The following TANC2 variants were observed in gnomAD, a reference collection of about 807,000 sequenced individuals.
TANC2 encodes tetratricopeptide repeat, ankyrin repeat and coiled-coil containing 2.
A neutral mutation model predicts 210.5 loss-of-function variants in TANC2; 26 were observed. The observed-to-expected ratio is 0.12, with a 90% CI of 0.09 to 0.17. The LOEUF (loss-of-function observed/expected upper bound fraction) is 0.17. Ranked by LOEUF, TANC2 falls within the 10% of genes least tolerant of loss-of-function variation. The probability of loss-of-function intolerance (pLI) is 1.00; values close to 1 mark genes in which losing one functional copy is unlikely to be tolerated. For missense variants in TANC2, 2,129 were observed against 2,608.9 expected, an observed-to-expected ratio of 0.82 and a Z score of 4.01; for synonymous variants, 931 against 967.1, an observed-to-expected ratio of 0.96 and a Z score of 0.69.
chr17:63,379,881 C>T, intron 15 of TANC2, 55 bp downstream of exon 15: 1 of 1,434,988 alleles, frequency 7.0e-7, no homozygotes, highest in Non-Finnish European at 9.7e-7. Context: ...CTTTCATATG[C>T]TTTATGTAAG....
At chr17:62,995,744 G>T (rs1189223468) in intron 1 of TANC2, among the ~76,000 whole-genome samples, 2 of 152,180 alleles carry the variant, frequency 1.3e-5, no homozygotes, top group Non-Finnish European at 2.9e-5. Context: ...TCTTGAAAGA[G>T]ATTGCATAAT....
Position 63,300,115 on chromosome 17 carries a change from G to A in TANC2, c.1160-14273G>A, listed in dbSNP as rs186449476. On this transcript the variant is annotated intron_variant, in intron 9 of 27. Transcript: ENST00000689528. Reference sequence around the variant, plus strand: ...TGTAGATGTGTGGTGGTATTTCTGAGGTCTCTGTTCTGTTCCATTGGTCTG... The same window carrying A: ...TGTAGATGTGTGGTGGTATTTCTGAAGTCTCTGTTCTGTTCCATTGGTCTG... Among the ~76,000 whole-genome samples, 132 of 152,218 alleles carry A rather than the reference G, an allele frequency of 8.7e-4. 1 individual carries two copies. The highest frequency in any genetic ancestry group is 1.4e-3 in the Non-Finnish European group (93 of 68,018).
At chr17:63,226,059 T>C (rs2042320813) in intron 7 of TANC2, among the ~76,000 whole-genome samples, 2 of 152,182 alleles carry the variant, frequency 1.3e-5, no homozygotes, top group Admixed American at 1.3e-4. Flanking sequence ...CTAGATCTTA[T>C]CACTTAATGT....
intron 5 of TANC2, chr17:63,154,144 T>C (rs2039755285): frequency 6.6e-6 from 1 of 152,158 alleles, no homozygotes; most frequent in South Asian, 2.1e-4. Context: ...ACTGTGGAGA[T>C]AATCGATGGT....
chr17:63,386,681 TTAAATAA>T (rs2047789567), intron 15 of TANC2, among the ~76,000 whole-genome samples: 1 of 151,878 alleles, frequency 6.6e-6, no homozygotes. Flanking sequence ...AGAAAATGTG[TTAAATAA>T]TAAACACTAA....
rs543368258 is a variant in TANC2, at chr17:63,181,273, T to C, written c.434-12718T>C. 7.2e-5 allele frequency among the ~76,000 whole-genome samples: 11 copies of C among 152,264 alleles called. 1 individual carries two copies. In the East Asian group the frequency reaches 1.7e-3, roughly 24 times the overall value. On this transcript the variant is annotated intron_variant, in intron 5 of 27. Coordinates refer to ENST00000689528, the Ensembl canonical transcript of TANC2. ...AACCTGAATTTACCCAGGGTTGATG[T>C]TGGAAGGGCTTCTGTCCTCTTGCTG...
chr17:62,981,211 A>T lies in TANC2; in HGVS notation c.-24+14462A>T, dbSNP rs568895897. Among the ~76,000 whole-genome samples, 393 of 152,110 alleles carry T rather than the reference A, an allele frequency of 2.6e-3. 1 individual carries two copies. Among genetic ancestry groups the T allele is most frequent in the Admixed American group, 8.5e-3 (130 of 15,272 alleles). Reference sequence around the variant, plus strand: ...TTCACATTGTCAGTATTTCCATTCCATCTTCTCTCTCAGCTGATGACCTTG... The same window carrying T: ...TTCACATTGTCAGTATTTCCATTCCTTCTTCTCTCTCAGCTGATGACCTTG... On this transcript the variant is annotated intron_variant, in intron 1 of 27. Coordinates refer to ENST00000689528, the Ensembl canonical transcript of TANC2.
chr17:63,247,524 T>G (rs1732240618), intron 8 of TANC2, among the ~76,000 whole-genome samples: 2 of 152,040 alleles, frequency 1.3e-5, no homozygotes, highest in Non-Finnish European at 1.5e-5. Context: ...CATCCTAAAT[T>G]GTTACATCTG....
intron 5 of TANC2, among the ~76,000 whole-genome samples, chr17:63,188,897 C>T (rs1272320413): frequency 1.3e-5 from 2 of 150,530 alleles, no homozygotes; most frequent in Non-Finnish European, 2.9e-5. Context: ...TTTTATCACC[C>T]CCCCCCAAAA....
intron 9 of TANC2, among the ~76,000 whole-genome samples, chr17:63,279,203 T>C (rs2043986647): frequency 6.6e-6 from 1 of 152,004 alleles, no homozygotes; most frequent in African/African-American, 2.4e-5. Flanking sequence ...CTGAAAGTGA[T>C]TGAGAAATGT....
chr17:63,370,171 T>C (rs2047222497), intron 14 of TANC2, among the ~76,000 whole-genome samples: 1 of 147,318 alleles, frequency 6.8e-6, no homozygotes, highest in African/African-American at 2.7e-5. Context: ...AGTCCTCCTT[T>C]CTTTTTTTTT....
At chr17:62,986,621 T>A (rs930611137) in intron 1 of TANC2, among the ~76,000 whole-genome samples, 7 of 151,656 alleles carry the variant, frequency 4.6e-5, no homozygotes, top group Non-Finnish European at 7.4e-5. Flanking sequence ...TTCTTAGACC[T>A]GAAACACAGG....
intron 1 of TANC2, among the ~76,000 whole-genome samples, chr17:62,992,767 T>C (rs1437681536): frequency 1.3e-5 from 2 of 152,242 alleles, no homozygotes; most frequent in Non-Finnish European, 2.9e-5. Flanking sequence ...AACTATGTTA[T>C]ACATGTTGGC....
Position 63,402,034 on chromosome 17 carries a change from C to A in TANC2, c.3332-3088C>A, listed in dbSNP as rs146527636. Among the ~76,000 whole-genome samples the A allele has an allele frequency of 2.0e-5, 3 of 152,338 alleles. No individual in the cohort carries two copies. In the East Asian group the frequency reaches 5.8e-4, roughly 29 times the overall value. ...ATAGTCTGTTTGTGTCACTTTCCTG[C>A]TTTCTGACCTTCATTTACTACTTGT... On this transcript the variant is annotated intron_variant, in intron 19 of 27. Transcript: ENST00000689528.
chr17:63,147,193 AT>A (rs151092975), intron 4 of TANC2, among the ~76,000 whole-genome samples: 11,376 of 151,806 alleles, frequency 0.075, 1,343 homozygotes, highest in African/African-American at 0.25. Context: ...AATAACGAAA[AT>A]TACCCAAGCG....
In TANC2 at chr17:63,201,057, G is replaced by C. The variant is rs1291372525; in HGVS notation, c.769+100G>C. On this transcript the variant is annotated intron_variant, in intron 7 of 27. Coordinates refer to ENST00000689528, the Ensembl canonical transcript of TANC2. Reference sequence around the variant, plus strand: ...TTAAAAATTCTGCTTTTGAATTGTTGAGATGTATATATAAAACTTTCCTGG... The same window carrying C: ...TTAAAAATTCTGCTTTTGAATTGTTCAGATGTATATATAAAACTTTCCTGG... 2.8e-6 allele frequency: 3 copies of C among 1,073,474 alleles called. No homozygotes were observed. The African/African-American group carries it at 4.8e-5, about 17-fold the overall frequency. 66.5% of individuals were successfully genotyped at this position (1,073,474 alleles called of 1,614,324 possible). A position where few individuals can be genotyped will look rare whatever the true frequency, so the allele number is the denominator to read the frequency against.
intron 5 of TANC2, among the ~76,000 whole-genome samples, chr17:63,162,290 A>G (rs2040054616): frequency 6.7e-6 from 1 of 148,668 alleles, no homozygotes; most frequent in African/African-American, 2.5e-5. Context: ...GGTGAAGAAC[A>G]AGACCCTGTC....
chr17:63,169,963 C>CA (rs1331485292), intron 5 of TANC2, among the ~76,000 whole-genome samples: 2 of 145,240 alleles, frequency 1.4e-5, no homozygotes, highest in Non-Finnish European at 3.0e-5. Context: ...ATTAAAAATA[C>CA]AAAAAATTAG....
intron 10 of TANC2, among the ~76,000 whole-genome samples, chr17:63,316,675 A>G (rs1005134100): frequency 9.2e-5 from 14 of 152,332 alleles, no homozygotes; most frequent in Non-Finnish European, 1.3e-4. Flanking sequence ...GCGGTTCTAT[A>G]TATCAGAATT....
Sources: allele counts gnomAD v4.1 joint callset (sites outside exome capture counted in the v4.1 genomes callset), GRCh38; gene constraint gnomAD v4.1.1; transcripts MANE v1.5; gene names NCBI Gene and HGNC (gene_info 2026-07-23, HGNC 2026-07-21).